The following FHIT variants were observed in gnomAD, a reference collection of about 807,000 sequenced individuals.
The protein encoded by FHIT is fragile histidine triad diadenosine triphosphatase, also known as bis(5'-adenosyl)-triphosphatase.
In FHIT, 19 loss-of-function variants were observed where a neutral mutation model predicts 17.9. The observed-to-expected ratio is 1.06, with a 90% CI of 0.74 to 1.56. FHIT has a LOEUF of 1.56. Ranked by LOEUF, FHIT falls within the 40% of genes most tolerant of loss-of-function variation. The pLI is 0.00. For missense variants in FHIT, 248 were observed against 189.2 expected, an observed-to-expected ratio of 1.31 and a Z score of -1.82; for synonymous variants, 81 against 69.7, an observed-to-expected ratio of 1.16 and a Z score of -0.81.
chr3:61,127,988 G>T (rs2036659501), intron 2 of FHIT, among the ~76,000 whole-genome samples: 1 of 152,172 alleles, frequency 6.6e-6, no homozygotes, highest in Admixed American at 6.5e-5. Context: ...TAAAACGAAA[G>T]TATTAAACGG....
chr3:60,308,486 A>AT (rs1559806968), intron 5 of FHIT, among the ~76,000 whole-genome samples: 160 of 105,080 alleles, frequency 1.5e-3, no homozygotes, highest in African/African-American at 3.2e-3. Context: ...GTATAGGTAT[A>AT]GGTGTATGTG....
In FHIT at chr3:60,101,738, A is replaced by AG. The variant is rs762175970; in HGVS notation, c.104-87587_104-87586insC. Among the ~76,000 whole-genome samples the AG allele has an allele frequency of 8.2e-4, 125 of 152,308 alleles. 6 individuals are homozygous for AG. Among genetic ancestry groups the AG allele is most frequent in the Non-Finnish European group, 3.7e-4 (25 of 68,036 alleles). ...ACAGTATCTGTGCAATGAATAAATT[A>AG]ACGAATGCCAAGTTCCATCACATTC... On this transcript the variant is annotated intron_variant, in intron 5 of 9. Coordinates refer to ENST00000492590, the MANE Select transcript of FHIT (RefSeq NM_002012.4).
At chr3:61,068,393 C>A (rs1042437304) in intron 2 of FHIT, among the ~76,000 whole-genome samples, 1 of 152,174 alleles carries the variant, frequency 6.6e-6, no homozygotes, top group Non-Finnish European at 1.5e-5. Flanking sequence ...TTGACCCCTC[C>A]TTCCATCATC....
At chr3:60,322,831 C>A (rs765622449) in intron 5 of FHIT, among the ~76,000 whole-genome samples, 1 of 151,972 alleles carries the variant, frequency 6.6e-6, no homozygotes, top group Non-Finnish European at 1.5e-5. Context: ...ACAGAAACTG[C>A]GACGACTATA....
intron 5 of FHIT, among the ~76,000 whole-genome samples, chr3:60,467,493 A>G (rs897695970): frequency 1.3e-5 from 2 of 151,902 alleles, no homozygotes; most frequent in Non-Finnish European, 2.9e-5. Context: ...TGCTTTCACC[A>G]TATCTCATAG....
chr3:60,499,444 G>T (rs189535788), intron 5 of FHIT, among the ~76,000 whole-genome samples: 18 of 151,982 alleles, frequency 1.2e-4, no homozygotes, highest in Non-Finnish European at 1.8e-4. Context: ...CAGGCTGGAG[G>T]GCAGTGGCGA....
chr3:60,656,016 T>C (rs576836110), intron 4 of FHIT, among the ~76,000 whole-genome samples: 6 of 152,210 alleles, frequency 3.9e-5, no homozygotes, highest in Non-Finnish European at 8.8e-5. Flanking sequence ...CAGAAAAGGT[T>C]GGTTCTGAGT....
intron 3 of FHIT, among the ~76,000 whole-genome samples, chr3:60,874,038 G>GT (rs1453591163): frequency 6.6e-6 from 1 of 152,014 alleles, no homozygotes; most frequent in African/African-American, 2.4e-5. Context: ...AAAACCTCTT[G>GT]TTTTTTAAAT....
At position 60,424,349 on chromosome 3, in the gene FHIT, G is replaced by T. The variant is rs1251273292; in HGVS notation, c.103+112511C>A. On this transcript the variant is annotated intron_variant, in intron 5 of 9. Coordinates refer to ENST00000492590, the MANE Select transcript of FHIT (RefSeq NM_002012.4). ...ACATGTTTTGAGATTATTAGAAAAT[G>T]AACTCACATACATCTCAAAGCTCTT... Among the ~76,000 whole-genome samples the T allele has an allele frequency of 3.4e-4, 51 of 152,146 alleles. 1 individual carries two copies. Among genetic ancestry groups the T allele is most frequent in the Admixed American group, 3.3e-3 (51 of 15,264 alleles).
intron 3 of FHIT, among the ~76,000 whole-genome samples, chr3:60,826,205 GGAAGGAAA>G (rs1472710356): frequency 2.3e-5 from 3 of 129,920 alleles, no homozygotes; most frequent in Non-Finnish European, 3.3e-5. Context: ...AAGGAAGGAA[GGAAGGAAA>G]GAAGGAAGGA....
intron 2 of FHIT, among the ~76,000 whole-genome samples, chr3:61,078,256 G>A (rs1231961686): frequency 2.6e-5 from 4 of 152,094 alleles, no homozygotes; most frequent in South Asian, 2.1e-4. Context: ...CTGACATCCC[G>A]TCTTAAAATC....
intron 2 of FHIT, among the ~76,000 whole-genome samples, chr3:61,173,959 G>C (rs1039952518): frequency 1.3e-5 from 2 of 152,176 alleles, no homozygotes; most frequent in South Asian, 4.1e-4. Context: ...CTTTATTTAA[G>C]TGAACTGCAA....
chr3:59,825,419 A>G (rs1700943015), intron 8 of FHIT, among the ~76,000 whole-genome samples: 1 of 152,198 alleles, frequency 6.6e-6, no homozygotes, highest in Non-Finnish European at 1.5e-5. Flanking sequence ...GGGATAGTTG[A>G]GTTCTGTTGT....
intron 4 of FHIT, among the ~76,000 whole-genome samples, chr3:60,558,518 C>T (rs1338480034): frequency 6.6e-6 from 1 of 152,000 alleles, no homozygotes; most frequent in Non-Finnish European, 1.5e-5. Flanking sequence ...TCAGCATGGT[C>T]TTTGGAGTTC....
chr3:61,022,919 C>T (rs572231061), intron 3 of FHIT, among the ~76,000 whole-genome samples: 2 of 152,208 alleles, frequency 1.3e-5, no homozygotes, highest in Non-Finnish European at 2.9e-5. Flanking sequence ...GAAGCATTCC[C>T]TTTGAAAACC....
intron 5 of FHIT, among the ~76,000 whole-genome samples, chr3:60,272,542 A>G (rs150417024): frequency 6.6e-6 from 1 of 152,258 alleles, no homozygotes; most frequent in African/African-American, 2.4e-5. Context: ...CGGTGTGAAA[A>G]CATATCAAAT....
intron 8 of FHIT, among the ~76,000 whole-genome samples, chr3:59,907,163 GC>G (rs763169425): frequency 3.3e-5 from 5 of 152,198 alleles, no homozygotes; most frequent in Non-Finnish European, 5.9e-5. Context: ...TCGATAGGAA[GC>G]CTTTCTGATG....
At chr3:60,841,843 C>A (rs782081354) in intron 3 of FHIT, among the ~76,000 whole-genome samples, 4 of 152,100 alleles carry the variant, frequency 2.6e-5, no homozygotes, top group African/African-American at 4.8e-5. Flanking sequence ...TGTCTTAGAA[C>A]TGAGAAGGCT....
At chr3:60,290,730 C>A (rs1707945609) in intron 5 of FHIT, among the ~76,000 whole-genome samples, 1 of 152,094 alleles carries the variant, frequency 6.6e-6, no homozygotes, top group South Asian at 2.1e-4. Flanking sequence ...GTTCCAAATA[C>A]TGAATTGGGT....
Sources: allele counts gnomAD v4.1 joint callset (sites outside exome capture counted in the v4.1 genomes callset), GRCh38; gene constraint gnomAD v4.1.1; transcripts MANE v1.5; gene names NCBI Gene and HGNC (gene_info 2026-07-23, HGNC 2026-07-21).